DIP2C: variants seen among roughly 807,000 people sequenced by gnomAD.
The protein encoded by DIP2C is DIP2 acetate--CoA ligase C (putative).
DIP2C carries 33 observed loss-of-function variants against 192.4 expected under a neutral mutation model. The ratio of observed to expected loss-of-function variants is 0.17; its 90% CI spans 0.13 to 0.23. The LOEUF (loss-of-function observed/expected upper bound fraction) is 0.23. Ranked by LOEUF, DIP2C falls within the 10% of genes least tolerant of loss-of-function variation. DIP2C has a pLI of 1.00. For missense variants in DIP2C, 1,537 were observed against 2,110.1 expected (o/e 0.73, Z 5.32); for synonymous variants, 979 against 864.1 (o/e 1.13, Z -2.33).
intron 1 of DIP2C, among the ~76,000 whole-genome samples, chr10:617,658 C>T (rs1262132499): frequency 6.6e-6 from 1 of 150,434 alleles, no homozygotes; most frequent in Non-Finnish European, 1.5e-5. Context: ...GGATACCACC[C>T]CCCCACCCCC....
chr10:547,706 C>G (rs12249596), intron 1 of DIP2C, among the ~76,000 whole-genome samples: 6,283 of 152,228 alleles, frequency 0.041, 168 homozygotes, highest in East Asian at 0.069. Flanking sequence ...CTGATGATGA[C>G]CACGTGCTTT....
intron 3 of DIP2C, among the ~76,000 whole-genome samples, chr10:454,385 AG>A (rs1217425236): frequency 6.6e-6 from 1 of 152,228 alleles, no homozygotes; most frequent in African/African-American, 2.4e-5. Flanking sequence ...AATACTAAAA[AG>A]GGATAAAGTA....
intron 3 of DIP2C, among the ~76,000 whole-genome samples, chr10:449,224 C>T (rs1362442502): frequency 6.6e-6 from 1 of 152,184 alleles, no homozygotes; most frequent in Non-Finnish European, 1.5e-5. Context: ...TCACCCCCGT[C>T]GATACTCAGC....
At chr10:494,872 C>T (rs116007064) in intron 1 of DIP2C, among the ~76,000 whole-genome samples, 2,436 of 152,288 alleles carry the variant, frequency 0.016, 68 homozygotes, top group African/African-American at 0.055. Context: ...ATCCAGCAAT[C>T]CCATGTCTGG....
chr10:506,376 G>C (rs1845594771), intron 1 of DIP2C, among the ~76,000 whole-genome samples: 1 of 152,274 alleles, frequency 6.6e-6, no homozygotes, highest in South Asian at 2.1e-4. Context: ...CAGCAAGGGG[G>C]ATCAGCCCAA....
At chr10:436,438 C>T (rs1180758187) in intron 4 of DIP2C, among the ~76,000 whole-genome samples, 2 of 152,172 alleles carry the variant, frequency 1.3e-5, no homozygotes, top group Admixed American at 6.5e-5. Flanking sequence ...GCACCCACTC[C>T]GATCTCCGCC....
Position 568,765 on chromosome 10 carries a change from C to CAAAAAAAAAAA in DIP2C, c.86-82246_86-82236dup, listed in dbSNP as rs1206501677. On this transcript the variant is annotated intron_variant, in intron 1 of 36. Transcript: ENST00000280886. ...TGGGCGACAGAGGGAAACTCCGTCT[C>CAAAAAAAAAAA]AAAAAAAAAAAAAAAAAAAAAAAAA... Among the ~76,000 whole-genome samples, 32 of 37,884 alleles carry CAAAAAAAAAAA rather than the reference C, an allele frequency of 8.4e-4. 7 individuals carry two copies. The highest frequency in any genetic ancestry group is 2.0e-3 in the South Asian group (1 of 506). The allele number at this position is 37,884 out of a possible 152,430, so 24.9% of individuals were successfully genotyped here.
At chr10:452,671 C>CT (rs1351937099) in intron 3 of DIP2C, among the ~76,000 whole-genome samples, 1 of 152,238 alleles carries the variant, frequency 6.6e-6, no homozygotes, top group African/African-American at 2.4e-5. Context: ...CCCCTGGTTC[C>CT]TCTCGCTGCT....
chr10:316,587 G>A (rs79860355), intron 31 of DIP2C, among the ~76,000 whole-genome samples: 2,434 of 152,310 alleles, frequency 0.016, 36 homozygotes, highest in East Asian at 0.042. Context: ...AAGTGTGAGT[G>A]GAGTTCCCAC....
At chr10:441,779 C>T (rs553760570) in intron 3 of DIP2C, among the ~76,000 whole-genome samples, 2 of 152,308 alleles carry the variant, frequency 1.3e-5, no homozygotes, top group East Asian at 3.9e-4. Context: ...TGGACTAATA[C>T]AACCATTAAC....
chr10:679,173 G>A (rs1179350681), intron 1 of DIP2C, among the ~76,000 whole-genome samples: 2 of 12,848 alleles, frequency 1.6e-4, no homozygotes, highest in African/African-American at 3.9e-4. Flanking sequence ...CGTCCTCCCC[G>A]CGCCCATGCT....
At chr10:625,224 C>G (rs1024488070) in intron 1 of DIP2C, among the ~76,000 whole-genome samples, 1 of 152,154 alleles carries the variant, frequency 6.6e-6, no homozygotes, top group East Asian at 1.9e-4. Context: ...TTATCACGGC[C>G]GCAAGCCTCT....
intron 11 of DIP2C, 130 bp from the exon 12 acceptor site, chr10:390,503 G>C (rs901812310): frequency 2.8e-6 from 3 of 1,083,030 alleles, no homozygotes; most frequent in African/African-American, 3.1e-5. Context: ...CGGACTTCAC[G>C]AGATCTAAGA....
intron 1 of DIP2C, among the ~76,000 whole-genome samples, chr10:612,845 G>C (rs772601539): frequency 2.6e-5 from 4 of 152,210 alleles, no homozygotes; most frequent in Non-Finnish European, 5.9e-5. Flanking sequence ...GGAAAGTCAA[G>C]AAGTGTCAGG....
At chr10:621,043 C>A (rs1266069650) in intron 1 of DIP2C, among the ~76,000 whole-genome samples, 3 of 152,114 alleles carry the variant, frequency 2.0e-5, no homozygotes, top group African/African-American at 7.2e-5. Context: ...CTGAGGAGGC[C>A]CAAGTACCTG....
chr10:508,217 G>A (rs1384684850), intron 1 of DIP2C, among the ~76,000 whole-genome samples: 1 of 152,068 alleles, frequency 6.6e-6, no homozygotes, highest in East Asian at 1.9e-4. Context: ...AATCTCTTCT[G>A]AAAATATCCA....
intron 1 of DIP2C, among the ~76,000 whole-genome samples, chr10:601,291 A>G (rs985362580): frequency 4.6e-5 from 7 of 152,226 alleles, no homozygotes; most frequent in Admixed American, 2.0e-4. Flanking sequence ...AGGAAGCTAC[A>G]TTAAGGTTTA....
intron 1 of DIP2C, among the ~76,000 whole-genome samples, chr10:559,178 C>T (rs901026984): frequency 2.6e-5 from 4 of 152,228 alleles, no homozygotes; most frequent in Non-Finnish European, 5.9e-5. Context: ...TCATGAGACC[C>T]TTTGGAGGCA....
intron 13 of DIP2C, among the ~76,000 whole-genome samples, chr10:389,120 G>T (rs1963242624): frequency 6.7e-6 from 1 of 149,136 alleles, no homozygotes; most frequent in South Asian, 2.2e-4. Context: ...GGGGCCTTGG[G>T]GCATCCCAAG....
Sources: gnomAD v4.1 joint callset for allele counts (sites outside exome capture counted in the v4.1 genomes callset) on GRCh38, gnomAD v4.1.1 for gene constraint, MANE v1.5 for transcripts, NCBI Gene and HGNC (gene_info 2026-07-23, HGNC 2026-07-21) for gene names.